GPR137B: variants seen among roughly 807,000 people sequenced by gnomAD.
GPR137B encodes G protein-coupled receptor 137B.
GPR137B carries 42 observed loss-of-function variants against 42.5 expected under a neutral mutation model. That is an observed-to-expected ratio of 0.99 (90% CI 0.77 to 1.28). The LOEUF is 1.28. Among genes scored for constraint, GPR137B ranks in the 50% most tolerant of loss-of-function variants. The pLI is 0.00. For synonymous variants in GPR137B, 218 were observed against 209.7 expected, an observed-to-expected ratio of 1.04 and a Z score of -0.34; for missense variants, 487 against 493.9, an observed-to-expected ratio of 0.99 and a Z score of 0.13.
rs113947663 is a variant in GPR137B at position 236,177,193 on chromosome 1, G to C, written c.465-1221G>C. 2.6e-4 allele frequency among the ~76,000 whole-genome samples: 39 copies of C among 152,270 alleles called. 1 individual carries two copies. The highest frequency in any genetic ancestry group is 8.4e-4 in the African/African-American group (35 of 41,534). ...GCCATTCGGATTAGCCTGAGTAAGT[G>C]GGGGGTTGTTATGTCACACTGGAAT... is the stretch of plus-strand genomic sequence containing the variant. On this transcript the variant is annotated intron_variant, in intron 2 of 6. Transcript: ENST00000366592.
intron 1 of GPR137B, among the ~76,000 whole-genome samples, chr1:236,168,124 T>C (rs2102903102): frequency 6.6e-6 from 1 of 152,318 alleles, no homozygotes; most frequent in Non-Finnish European, 1.5e-5. Context: ...ACTGTTTGTT[T>C]ATCTTAAATA....
chr1:236,160,814 C>T (rs770982750), intron 1 of GPR137B, among the ~76,000 whole-genome samples: 27 of 152,142 alleles, frequency 1.8e-4, no homozygotes, highest in Non-Finnish European at 3.4e-4. Context: ...CCCTGACTGT[C>T]TCCTGCCCGG....
At chr1:236,178,307 T>C in intron 2 of GPR137B, 107 bp from the exon 3 acceptor site, 1 of 693,356 alleles carries the variant, frequency 1.4e-6, no homozygotes, top group Non-Finnish European at 2.6e-6. Context: ...AGCTCTTAAA[T>C]GTCACCTTTG....
chr1:236,182,090 A>G (rs1311240501), intron 4 of GPR137B, among the ~76,000 whole-genome samples: 5 of 151,982 alleles, frequency 3.3e-5, no homozygotes, highest in African/African-American at 1.2e-4. Flanking sequence ...GACGGGTTTC[A>G]TCATATAGGC....
intron 5 of GPR137B, among the ~76,000 whole-genome samples, chr1:236,202,831 TCA>T (rs1381534171): frequency 7.2e-5 from 11 of 152,348 alleles, no homozygotes; most frequent in African/African-American, 2.4e-4. Flanking sequence ...TGTAGTAGTT[TCA>T]CAGTTTGAGG....
intron 1 of GPR137B, among the ~76,000 whole-genome samples, chr1:236,166,318 A>G (rs1662350692): frequency 6.6e-6 from 1 of 151,648 alleles, no homozygotes; most frequent in Non-Finnish European, 1.5e-5. Context: ...TACGGATGTC[A>G]GAGAAATACC....
chr1:236,172,337 C>G (rs1662561774), intron 2 of GPR137B, among the ~76,000 whole-genome samples: 1 of 152,222 alleles, frequency 6.6e-6, no homozygotes, highest in Non-Finnish European at 1.5e-5. Flanking sequence ...TTAATCATAA[C>G]TCACTTGAAA....
chr1:236,193,051 C>T (rs763572789), intron 5 of GPR137B, among the ~76,000 whole-genome samples: 3 of 151,824 alleles, frequency 2.0e-5, no homozygotes, highest in Non-Finnish European at 4.4e-5. Context: ...CCTGCTACCA[C>T]GCCTGGCTAA....
chr1:236,174,908 G>A (rs996755523), intron 2 of GPR137B, among the ~76,000 whole-genome samples: 14 of 152,164 alleles, frequency 9.2e-5, no homozygotes, highest in Non-Finnish European at 1.8e-4. Context: ...CAGGGCCTCC[G>A]AATGGCAGGC....
At chr1:236,177,756 A>G (rs1571987505) in intron 2 of GPR137B, among the ~76,000 whole-genome samples, 1 of 151,892 alleles carries the variant, frequency 6.6e-6, no homozygotes, top group South Asian at 2.1e-4. Context: ...GGGTTTCACC[A>G]TGTTGGCCAG....
chr1:236,181,626 A>G (rs1662879447), intron 4 of GPR137B, among the ~76,000 whole-genome samples: 1 of 152,214 alleles, frequency 6.6e-6, no homozygotes, highest in African/African-American at 2.4e-5. Flanking sequence ...GGAAGAAAGA[A>G]TAAAATGATC....
At chr1:236,190,821 T>C (rs866635110) in intron 5 of GPR137B, among the ~76,000 whole-genome samples, 11 of 151,792 alleles carry the variant, frequency 7.2e-5, no homozygotes, top group Non-Finnish European at 1.5e-4. Context: ...GACGATTATG[T>C]GTCTTGCCCT....
intron 5 of GPR137B, among the ~76,000 whole-genome samples, chr1:236,203,020 G>A (rs1051464666): frequency 6.6e-6 from 1 of 152,092 alleles, no homozygotes; most frequent in Non-Finnish European, 1.5e-5. Flanking sequence ...GTAGGTGTGT[G>A]GATTTGTTTC....
chr1:236,185,865 T>A (rs1321333645), intron 5 of GPR137B, among the ~76,000 whole-genome samples: 2 of 152,120 alleles, frequency 1.3e-5, no homozygotes, highest in Non-Finnish European at 2.9e-5. Flanking sequence ...ACAGCCAATT[T>A]TAGAACACTT....
At chr1:236,170,434 G>T (rs1470816128) in intron 2 of GPR137B, among the ~76,000 whole-genome samples, 1 of 152,126 alleles carries the variant, frequency 6.6e-6, no homozygotes, top group Non-Finnish European at 1.5e-5. Flanking sequence ...CCTGGGCCAA[G>T]ATACAAGTCC....
chr1:236,190,247 C>T (rs12137960), intron 5 of GPR137B, among the ~76,000 whole-genome samples: 49,983 of 150,556 alleles, frequency 0.33, 8,878 homozygotes, highest in East Asian at 0.61. Context: ...GATGGGTCTC[C>T]TGAATACAGC....
chr1:236,181,091 G>A (rs1662858878), intron 4 of GPR137B, among the ~76,000 whole-genome samples: 1 of 151,952 alleles, frequency 6.6e-6, no homozygotes, highest in Admixed American at 6.6e-5. Flanking sequence ...TTTTTTAATG[G>A]AGCACGTACA....
intron 5 of GPR137B, among the ~76,000 whole-genome samples, chr1:236,197,968 G>T (rs776554806): frequency 2.0e-5 from 3 of 152,054 alleles, no homozygotes; most frequent in Non-Finnish European, 4.4e-5. Flanking sequence ...TGATCCACCC[G>T]CCTCGGCCTC....
chr1:236,159,466 C>A (rs767851097), intron 1 of GPR137B, among the ~76,000 whole-genome samples: 2 of 151,934 alleles, frequency 1.3e-5, no homozygotes, highest in African/African-American at 4.8e-5. Flanking sequence ...GAGTTCAAGA[C>A]CAGCCTGATC....
Sources: allele counts gnomAD v4.1 joint callset (sites outside exome capture counted in the v4.1 genomes callset), GRCh38; gene constraint gnomAD v4.1.1; transcripts MANE v1.5; gene names NCBI Gene and HGNC (gene_info 2026-07-23, HGNC 2026-07-21).